Variants in ZNF619 observed in about 807,000 individuals in gnomAD.
ZNF619 encodes the protein zinc finger protein 619.
In ZNF619, 9 loss-of-function variants were observed where a neutral mutation model predicts 14.2. The ratio of observed to expected loss-of-function variants is 0.64; its 90% CI spans 0.38 to 1.11. The LOEUF is 1.11. ZNF619 is among the 50% of genes least tolerant of loss of function. ZNF619 has a pLI of 0.01. For synonymous variants in ZNF619, 246 were observed against 252.8 expected (o/e 0.97, Z 0.26); for missense variants, 659 against 680.1 (o/e 0.97, Z 0.34).
intron 4 of ZNF619, 118 bp downstream of exon 4, chr3:40,482,822 C>G: frequency 5.4e-6 from 4 of 745,012 alleles, no homozygotes; most frequent in South Asian, 1.8e-5. Flanking sequence ...AAAATAGTCA[C>G]TCTTATTCAA....
In ZNF619 at chr3:40,487,546, T is replaced by C. The variant is rs772033534; in HGVS notation, c.1036T>C (p.Cys346Arg). 3 of 1,614,196 alleles carry C rather than the reference T, an allele frequency of 1.9e-6. No individual in the cohort carries two copies. The highest frequency in any genetic ancestry group is 2.5e-6 in the Non-Finnish European group (3 of 1,180,036). Residue 346 changes from cysteine (C) to arginine (R), a missense_variant, in exon 5 of 5, where the codon TGT becomes CGT. Transcript: ENST00000432264. ...RIHNGEKPYE[C>R]KECGKSLSSN... ...TCACAATGGGGAGAAGCCCTATGAA[T>C]GTAAGGAGTGTGGGAAGAGTTTGAG...
chr3:40,477,382 G>T (rs1697228667), intron 1 of ZNF619, 25 bp downstream of exon 1: 1 of 153,512 alleles, frequency 6.5e-6, no homozygotes, highest in Non-Finnish European at 1.5e-5. Flanking sequence ...GATGGGAGCC[G>T]TGACTATAGG....
intron 4 of ZNF619, among the ~76,000 whole-genome samples, chr3:40,483,489 C>T (rs1697475463): frequency 6.6e-6 from 1 of 152,098 alleles, no homozygotes; most frequent in South Asian, 2.1e-4. Flanking sequence ...TGGGGTTTCA[C>T]TGTGCTGGCC....
intron 2 of ZNF619, among the ~76,000 whole-genome samples, chr3:40,481,049 A>G (rs1019244319): frequency 6.6e-6 from 1 of 152,236 alleles, no homozygotes; most frequent in East Asian, 1.9e-4. Context: ...GCTCATTCCC[A>G]TCATCTGAAA....
At chr3:40,483,825 G>A (rs184164940) in intron 4 of ZNF619, 129 of 317,100 alleles carry the variant, frequency 4.1e-4, no homozygotes, top group African/African-American at 4.7e-4. Context: ...ATGGGGTTTC[G>A]CCATGTTGGT....
In ZNF619 at chr3:40,488,605, T is replaced by G. The variant is rs1697717557; in HGVS notation, c.*364T>G. 5.2e-6 allele frequency: 1 copy of G among 193,628 alleles called. No homozygotes were observed. The highest frequency in any genetic ancestry group is 1.0e-5 in the Non-Finnish European group (1 of 95,324). The allele number at this position is 193,628 out of a possible 1,614,324, so 12.0% of individuals were successfully genotyped here. On this transcript the variant is annotated 3_prime_UTR_variant, in exon 5 of 5. Transcript: ENST00000432264. ...GAGACTAGGAGAAATGCAAAGCCTA[T>G]GGGAGAACATAATCAGATAAAGTGT...
rs1230855953 is a variant in ZNF619, at chr3:40,490,574, G to A, written c.*2333G>A. On this transcript the variant is annotated 3_prime_UTR_variant, in exon 5 of 5. Coordinates refer to ENST00000432264, the MANE Select transcript of ZNF619 (RefSeq NM_001145093.4). ...TTCTGCCTCTGTCACCCCTGAGATG[G>A]CAAGACCAGTCTCCCTCCTCTCCCC... Among the ~76,000 whole-genome samples the A allele has an allele frequency of 6.6e-6, 1 of 152,106 alleles. No individual in the cohort carries two copies. The highest frequency in any genetic ancestry group is 1.5e-5 in the Non-Finnish European group (1 of 68,024).
At chr3:40,482,318 C>T in intron 3 of ZNF619, 1 of 1,552,850 alleles carries the variant, frequency 6.4e-7, no homozygotes, top group Non-Finnish European at 8.7e-7. Flanking sequence ...CTTCCAGTTC[C>T]CTGGAGCTGA....
At chr3:40,483,436 G>A (rs552099120) in intron 4 of ZNF619, among the ~76,000 whole-genome samples, 15 of 151,578 alleles carry the variant, frequency 9.9e-5, no homozygotes, top group South Asian at 2.1e-4. Context: ...GACTACATGC[G>A]CGTGCCACCA....
chr3:40,487,660 A>G lies in ZNF619; in HGVS notation c.1150A>G (p.Ser384Gly), dbSNP rs779791342. Reference protein sequence around the residue: ...CKECGKAFHRSSVFLQHQRFH... With the variant: ...CKECGKAFHRGSVFLQHQRFH... Reference sequence around the variant, plus strand: ...AGAGTGTGGCAAGGCCTTCCACCGCAGTTCGGTATTTCTTCAGCACCAGAG... The same window carrying G: ...AGAGTGTGGCAAGGCCTTCCACCGCGGTTCGGTATTTCTTCAGCACCAGAG... Residue 384 changes from serine (S) to glycine (G), a missense_variant, in exon 5 of 5, where the codon AGT becomes GGT. By Grantham distance (56) the Ser-to-Gly change is moderately conservative. Coordinates refer to ENST00000432264, the MANE Select transcript of ZNF619 (RefSeq NM_001145093.4). 6.2e-7 allele frequency: 1 copy of G among 1,614,050 alleles called. No homozygotes were observed. The highest frequency in any genetic ancestry group is 8.5e-7 in the Non-Finnish European group (1 of 1,179,980).
intron 4 of ZNF619, among the ~76,000 whole-genome samples, chr3:40,484,403 A>G (rs1204397567): frequency 6.6e-6 from 1 of 152,228 alleles, no homozygotes; most frequent in African/African-American, 2.4e-5. Flanking sequence ...AGTTAAATGT[A>G]AAGACCAATC....
Position 40,488,401 on chromosome 3 carries a change from G to T in ZNF619, c.*160G>T. On this transcript the variant is annotated 3_prime_UTR_variant, in exon 5 of 5. Coordinates refer to ENST00000432264, the MANE Select transcript of ZNF619 (RefSeq NM_001145093.4). The stretch of plus-strand genomic sequence containing the variant: ...CACGCTTAAGGACCATGTTTGATTA[G>T]TTTCTTTTATCCCCCGGTAGGAAAT... 3.5e-6 allele frequency: 2 copies of T among 576,444 alleles called. No individual in the cohort carries two copies. The highest frequency in any genetic ancestry group is 6.1e-6 in the Non-Finnish European group (2 of 327,118). The allele number at this position is 576,444 out of a possible 1,614,324, so 35.7% of individuals were successfully genotyped here. A position where few individuals can be genotyped will look rare whatever the true frequency, so the allele number is the denominator to read the frequency against.
In ZNF619 at chr3:40,481,556, C is replaced by T. The variant is rs112279603; in HGVS notation, c.25-307C>T. 9.9e-3 allele frequency among the ~76,000 whole-genome samples: 1,506 copies of T among 152,244 alleles called. 21 individuals are homozygous for T. The highest frequency in any genetic ancestry group is 0.035 in the African/African-American group (1,444 of 41,520). ...GGATGGATGGAGGCAGGGTGAAAGA[C>T]GGTTACCTGCTGTGGTCGATTTAGA... On this transcript the variant is annotated intron_variant, in intron 2 of 4. Transcript: ENST00000432264.
intron 2 of ZNF619, among the ~76,000 whole-genome samples, 185 bp downstream of exon 2, chr3:40,478,188 G>C (rs1575260521): frequency 6.6e-6 from 1 of 152,120 alleles, no homozygotes; most frequent in East Asian, 1.9e-4. Flanking sequence ...AGGTAGGTTG[G>C]AAAAGAAGGA....
chr3:40,487,322 A>G lies in ZNF619; in HGVS notation c.812A>G (p.Gln271Arg). The G allele has an allele frequency of 6.2e-7, 1 of 1,614,178 alleles. No individual in the cohort carries two copies. The highest frequency in any genetic ancestry group is 1.1e-5 in the South Asian group (1 of 91,082). The change falls in exon 5 of 5, where the codon CAA (glutamine) becomes CGA (arginine). Residue 271 changes from glutamine to arginine, a missense_variant. Transcript: ENST00000432264. The part of the protein sequence containing the change: ...SCEECGQAFS[Q>R]NSHLLQHQKL... ...GAGGAATGTGGACAAGCCTTCAGTCAAAATTCCCACCTTCTTCAGCATCAG... is the reference window on the plus strand; with the variant it reads ...GAGGAATGTGGACAAGCCTTCAGTCGAAATTCCCACCTTCTTCAGCATCAG...
chr3:40,481,940 G>A lies in ZNF619; in HGVS notation c.102G>A (p.Trp34Ter), dbSNP rs1272241912. ...DVAVYFTQNE[W>*]ASLHPTQRAL... ...CTGTGTACTTCACCCAGAATGAATGGGCCAGCCTGCACCCTACGCAGAGGG... is the reference window on the plus strand; with the variant it reads ...CTGTGTACTTCACCCAGAATGAATGAGCCAGCCTGCACCCTACGCAGAGGG... The change falls in exon 3 of 5, where the codon TGG (tryptophan) becomes TGA (stop). Residue 34 changes from tryptophan (W) to a stop codon, truncating the protein, a stop_gained. Coordinates refer to ENST00000432264, the MANE Select transcript of ZNF619 (RefSeq NM_001145093.4). LOFTEE classifies it high-confidence loss of function. 1.2e-6 allele frequency: 2 copies of A among 1,613,764 alleles called. No homozygotes were observed. The highest frequency in any genetic ancestry group is 2.7e-5 in the African/African-American group (2 of 74,870).
At position 40,488,381 on chromosome 3, in the gene ZNF619, T is replaced by C; in HGVS notation, c.*140T>C. 1 of 608,638 alleles carries C rather than the reference T, an allele frequency of 1.6e-6. No homozygotes were observed. Among genetic ancestry groups the C allele is most frequent in the Non-Finnish European group, 2.9e-6 (1 of 343,236 alleles). 37.7% of individuals were successfully genotyped at this position (608,638 alleles called of 1,614,324 possible). On this transcript the variant is annotated 3_prime_UTR_variant, in exon 5 of 5. Transcript: ENST00000432264. ...CTAACTTCATTTTAAATTCTCACGC[T>C]TAAGGACCATGTTTGATTAGTTTCT... is the stretch of plus-strand genomic sequence containing the variant.
chr3:40,485,001 T>G (rs1300592386), intron 4 of ZNF619, among the ~76,000 whole-genome samples: 1 of 152,126 alleles, frequency 6.6e-6, no homozygotes, highest in Non-Finnish European at 1.5e-5. Context: ...TTATTTTGCC[T>G]AGGCCAGTCT....
intron 4 of ZNF619, 145 bp downstream of exon 4, chr3:40,482,849 AGAACTTCATCCCC>A: frequency 1.6e-6 from 1 of 632,306 alleles, no homozygotes; most frequent in East Asian, 2.8e-5. Context: ...GTTGCTTACC[AGAACTTCATCCCC>A]GAACTAGAAA....
Sources: gnomAD v4.1 joint callset for allele counts (sites outside exome capture counted in the v4.1 genomes callset) on GRCh38, gnomAD v4.1.1 for gene constraint, MANE v1.5 for transcripts, NCBI Gene and HGNC (gene_info 2026-07-23, HGNC 2026-07-21) for gene names.